The following PRKCE variants were observed in gnomAD, a reference collection of about 807,000 sequenced individuals.
PRKCE encodes the protein protein kinase C epsilon, also known as protein kinase C epsilon type.
PRKCE carries 16 observed loss-of-function variants against 85.4 expected under a neutral mutation model. That is an observed-to-expected ratio of 0.19 (90% CI 0.13 to 0.28). The LOEUF (loss-of-function observed/expected upper bound fraction) is 0.28. Among genes scored for constraint, PRKCE ranks in the 10% least tolerant of loss-of-function variants. The probability of loss-of-function intolerance (pLI) is 1.00; values close to 1 mark genes in which losing one functional copy is unlikely to be tolerated. For missense variants in PRKCE, 573 were observed against 975.2 expected (o/e 0.59, Z 5.49); for synonymous variants, 388 against 371.5 (o/e 1.04, Z -0.51).
At chr2:45,939,512 A>G (rs1181371543) in intron 2 of PRKCE, among the ~76,000 whole-genome samples, 6 of 152,266 alleles carry the variant, frequency 3.9e-5, no homozygotes, top group Non-Finnish European at 5.9e-5. Flanking sequence ...CAAGTCACTA[A>G]GAGAAAATGT....
At chr2:45,833,160 A>G (rs200480669) in intron 1 of PRKCE, among the ~76,000 whole-genome samples, 56 of 151,752 alleles carry the variant, frequency 3.7e-4, no homozygotes, top group Non-Finnish European at 7.2e-4. Flanking sequence ...AAAAGAAAAG[A>G]AAAGAAAGAA....
chr2:45,883,335 G>T (rs1237251418), intron 2 of PRKCE, among the ~76,000 whole-genome samples: 1 of 152,218 alleles, frequency 6.6e-6, no homozygotes, highest in Non-Finnish European at 1.5e-5. Flanking sequence ...CGCCCTGCAG[G>T]GATGACCCTT....
intron 13 of PRKCE, among the ~76,000 whole-genome samples, chr2:46,153,606 G>A: frequency 6.6e-6 from 1 of 152,104 alleles, no homozygotes; most frequent in African/African-American, 2.4e-5. Flanking sequence ...AGAAGGAAGA[G>A]CAAGTGCACA....
At position 45,970,061 on chromosome 2, in the gene PRKCE, C is replaced by T. The variant is rs77543157; in HGVS notation, c.413-6368C>T. Among the ~76,000 whole-genome samples, 274 of 152,238 alleles carry T rather than the reference C, an allele frequency of 1.8e-3. 1 individual carries two copies. The highest frequency in any genetic ancestry group is 6.4e-3 in the African/African-American group (264 of 41,538). On this transcript the variant is annotated intron_variant, in intron 2 of 14. Coordinates refer to ENST00000306156, the MANE Select transcript of PRKCE (RefSeq NM_005400.3). ...TTTAATTATTGACTTAGAGTTAATT[C>T]CTAAGGAGTTGCCGAATCAAAGGAT...
intron 10 of PRKCE, among the ~76,000 whole-genome samples, chr2:46,063,553 G>C (rs1558411135): frequency 6.6e-6 from 1 of 152,118 alleles, no homozygotes; most frequent in South Asian, 2.1e-4. Flanking sequence ...CCACCTGATG[G>C]GGGATGGCGC....
chr2:45,974,994 G>C (rs1040800375), intron 2 of PRKCE, among the ~76,000 whole-genome samples: 2 of 152,170 alleles, frequency 1.3e-5, no homozygotes, highest in African/African-American at 4.8e-5. Flanking sequence ...TGAGAGCTTG[G>C]GGACTTTCTG....
chr2:46,029,162 T>C (rs1312696345), intron 10 of PRKCE, among the ~76,000 whole-genome samples: 1 of 152,192 alleles, frequency 6.6e-6, no homozygotes, highest in African/African-American at 2.4e-5. Context: ...GCTCTTTACG[T>C]ATGTTGATTA....
intron 11 of PRKCE, among the ~76,000 whole-genome samples, chr2:46,111,038 A>G (rs1160056643): frequency 6.6e-6 from 1 of 152,114 alleles, no homozygotes. Flanking sequence ...GTTTAATTCC[A>G]TTATGATCTG....
rs905635881 is a variant in PRKCE, at chr2:46,120,333, G to A, written c.1593-24760G>A. On this transcript the variant is annotated intron_variant, in intron 11 of 14. Coordinates refer to ENST00000306156, the MANE Select transcript of PRKCE (RefSeq NM_005400.3). The stretch of plus-strand genomic sequence containing the variant: ...TGGTTGCTGAAACTTGGGGATGGGG[G>A]CCAGGAGAGTGCTGCTGGCATCTAG... Among the ~76,000 whole-genome samples, 16 of 152,272 alleles carry A rather than the reference G, an allele frequency of 1.1e-4. No individual in the cohort carries two copies. The South Asian group carries it at 1.5e-3, about 14-fold the overall frequency.
chr2:45,958,817 T>TATATATATATATATA (rs1491498471), intron 2 of PRKCE, among the ~76,000 whole-genome samples: 36 of 7,230 alleles, frequency 5.0e-3, no homozygotes, highest in South Asian at 0.023. Context: ...TATATATATA[T>TATATATATATATATA]TTTTTTTTTT....
intron 2 of PRKCE, among the ~76,000 whole-genome samples, chr2:45,926,934 T>C (rs1368704946): frequency 6.6e-6 from 1 of 151,460 alleles, no homozygotes; most frequent in Non-Finnish European, 1.5e-5. Flanking sequence ...GGACACAGAA[T>C]GGTGAGAAGT....
chr2:45,776,762 G>A (rs1427093388), intron 1 of PRKCE, among the ~76,000 whole-genome samples: 2 of 152,118 alleles, frequency 1.3e-5, no homozygotes, highest in African/African-American at 4.8e-5. Flanking sequence ...CAGGGCCTTG[G>A]AGAAAACTGC....
rs190510947 is a variant in PRKCE at position 45,810,347 on chromosome 2, T to C, written c.349-32653T>C. Among the ~76,000 whole-genome samples, 258 of 152,260 alleles carry C rather than the reference T, an allele frequency of 1.7e-3. 3 individuals carry two copies. The highest frequency in any genetic ancestry group is 5.7e-3 in the African/African-American group (236 of 41,550). ...TGAACCACCGCGCCCAGCCAAAGGA[T>C]AACTTTTTAAAAAGATGAACTCTTG... On this transcript the variant is annotated intron_variant, in intron 1 of 14. Transcript: ENST00000306156.
rs371746075 is a variant in PRKCE at position 46,131,008 on chromosome 2, T to C, written c.1593-14085T>C. ...TATCCTTTTTGAGCACCTGTCTTCC[T>C]TGAATGTAACTTACTAATATTTCAT... On this transcript the variant is annotated intron_variant, in intron 11 of 14. Coordinates refer to ENST00000306156, the MANE Select transcript of PRKCE (RefSeq NM_005400.3). Among the ~76,000 whole-genome samples, 137 of 152,354 alleles carry C rather than the reference T, an allele frequency of 9.0e-4. 2 individuals are homozygous for C. The highest frequency in any genetic ancestry group is 3.2e-3 in the African/African-American group (134 of 41,580).
intron 1 of PRKCE, among the ~76,000 whole-genome samples, chr2:45,680,783 C>G (rs997059201): frequency 1.3e-5 from 2 of 152,184 alleles, no homozygotes; most frequent in African/African-American, 4.8e-5. Context: ...TATGGTTTGT[C>G]TCAACATGCT....
At position 45,732,336 on chromosome 2, in the gene PRKCE, T is replaced by C. The variant is rs145412998; in HGVS notation, c.348+79888T>C. Among the ~76,000 whole-genome samples, 48 of 152,282 alleles carry C rather than the reference T, an allele frequency of 3.2e-4. No individual in the cohort carries two copies. The East Asian group carries it at 9.0e-3, about 29-fold the overall frequency. The stretch of plus-strand genomic sequence containing the variant: ...TACCCAGGTTGTTAGTGTTAAAATA[T>C]TTGGATATGTTGAGGTTCTTCATAT... On this transcript the variant is annotated intron_variant, in intron 1 of 14. Transcript: ENST00000306156.
At chr2:46,157,276 G>A (rs1366130630) in intron 13 of PRKCE, among the ~76,000 whole-genome samples, 1 of 152,160 alleles carries the variant, frequency 6.6e-6, no homozygotes, top group Non-Finnish European at 1.5e-5. Context: ...AGCAGAGCTG[G>A]CCACCATCCC....
chr2:46,132,033 TAAAC>T (rs1340080795), intron 11 of PRKCE, among the ~76,000 whole-genome samples: 3 of 152,050 alleles, frequency 2.0e-5, no homozygotes, highest in Admixed American at 1.3e-4. Context: ...AAAGAAAAAA[TAAAC>T]AAATATAAGT....
chr2:45,872,993 G>A (rs1312494845), intron 2 of PRKCE, among the ~76,000 whole-genome samples: 2 of 152,226 alleles, frequency 1.3e-5, no homozygotes, highest in Non-Finnish European at 1.5e-5. Context: ...ATCTTCTGAA[G>A]GGGAAAGTCA....
Sources: gnomAD v4.1 joint callset for allele counts (sites outside exome capture counted in the v4.1 genomes callset) on GRCh38, gnomAD v4.1.1 for gene constraint, MANE v1.5 for transcripts, NCBI Gene and HGNC (gene_info 2026-07-23, HGNC 2026-07-21) for gene names.